TMEM64: variants seen among roughly 807,000 people sequenced by gnomAD.
TMEM64 encodes transmembrane protein 64.
Under a neutral mutation model 24.5 loss-of-function variants are expected in TMEM64, and 19 were observed. That is an observed-to-expected ratio of 0.78 (90% CI 0.54 to 1.14). The LOEUF is 1.14. TMEM64 is among the 50% of genes most tolerant of loss of function. TMEM64 has a pLI of 0.00. For synonymous variants in TMEM64, 262 were observed against 224.7 expected (o/e 1.17, Z -1.49); for missense variants, 487 against 493.0 (o/e 0.99, Z 0.12).
In TMEM64 at chr8:90,645,018, TG is replaced by T; in HGVS notation, c.795+92del. Reference sequence around the variant, plus strand: ...CCTGCCGTCAATGTCACTTCTCTGCTGGTATTTATCTGATAGAGCGCCCTCC... The same window carrying T: ...CCTGCCGTCAATGTCACTTCTCTGCTGTATTTATCTGATAGAGCGCCCTCC... On this transcript the variant is annotated intron_variant, in intron 1 of 2. Transcript: ENST00000458549. The surrounding 1 kb of genome is among the most constrained non-coding windows in gnomAD (Gnocchi z 4.2). The T allele has an allele frequency of 1.5e-6, 2 of 1,331,712 alleles. No homozygotes were observed. The highest frequency in any genetic ancestry group is 1.0e-6 in the Non-Finnish European group (1 of 964,688). The allele number at this position is 1,331,712 out of a possible 1,614,324, so 82.5% of individuals were successfully genotyped here.
intron 1 of TMEM64, among the ~76,000 whole-genome samples, chr8:90,636,446 G>C (rs1037688064): frequency 6.6e-6 from 1 of 152,136 alleles, no homozygotes; most frequent in African/African-American, 2.4e-5. Context: ...AGTAGAGGCC[G>C]GGTTTCACCA....
intron 2 of TMEM64, among the ~76,000 whole-genome samples, chr8:90,626,818 C>T (rs1160707083): frequency 5.3e-5 from 8 of 151,648 alleles, no homozygotes; most frequent in African/African-American, 7.3e-5. Context: ...TTAGTAGAGA[C>T]GGGATTTTAC....
chr8:90,643,423 T>C (rs1364493570), intron 1 of TMEM64, among the ~76,000 whole-genome samples: 1 of 152,214 alleles, frequency 6.6e-6, no homozygotes, highest in Admixed American at 6.5e-5. Flanking sequence ...ATAAACAACT[T>C]GCCCAAGGTC....
intron 1 of TMEM64, among the ~76,000 whole-genome samples, chr8:90,637,305 C>G (rs1156978314): frequency 6.6e-6 from 1 of 152,186 alleles, no homozygotes; most frequent in Non-Finnish European, 1.5e-5. Flanking sequence ...CCCAGCTCTT[C>G]TGCTTTCTAA....
intron 1 of TMEM64, among the ~76,000 whole-genome samples, chr8:90,643,279 C>A (rs1010796395): frequency 6.6e-6 from 1 of 152,180 alleles, no homozygotes; most frequent in African/African-American, 2.4e-5. Context: ...ACAGAAACGA[C>A]AAAAGCCAAC....
rs902844872 is a variant in TMEM64 at position 90,625,582 on chromosome 8, A to C, written c.*89T>G. 28 of 1,099,322 alleles carry C rather than the reference A, an allele frequency of 2.5e-5. No homozygotes were observed. The highest frequency in any genetic ancestry group is 4.2e-4 in the Middle Eastern group (2 of 4,724). The allele number at this position is 1,099,322 out of a possible 1,614,324, so 68.1% of individuals were successfully genotyped here. A position where few individuals can be genotyped will look rare whatever the true frequency, so the allele number is the denominator to read the frequency against. ...GTCAGTTTTGTTTGTGCTGTAATACAATTAGAACTTGTCTCTGCCCACTAG... is the reference window on the plus strand; with the variant it reads ...GTCAGTTTTGTTTGTGCTGTAATACCATTAGAACTTGTCTCTGCCCACTAG... On this transcript the variant is annotated 3_prime_UTR_variant, in exon 3 of 3. Transcript: ENST00000458549.
chr8:90,643,856 T>A (rs1215653828), intron 1 of TMEM64, among the ~76,000 whole-genome samples: 1 of 152,224 alleles, frequency 6.6e-6, no homozygotes, highest in East Asian at 1.9e-4. Flanking sequence ...CCACTGCCTC[T>A]ACCAAATACC....
chr8:90,630,297 T>C (rs1809418089), intron 2 of TMEM64, among the ~76,000 whole-genome samples: 1 of 152,218 alleles, frequency 6.6e-6, no homozygotes, highest in Admixed American at 6.5e-5. Context: ...GTTATTGTAA[T>C]ACTTTTTTGT....
intron 1 of TMEM64, among the ~76,000 whole-genome samples, chr8:90,636,851 T>C (rs1809525982): frequency 6.6e-6 from 1 of 152,214 alleles, no homozygotes; most frequent in Admixed American, 6.5e-5. Context: ...CAACCTAGGA[T>C]ATCGATGCTA....
rs1019782390 is a variant in TMEM64, at chr8:90,645,447, G to A, written c.459C>T (p.Ser153=). The change falls in exon 1 of 3, where the codon AGC becomes AGT. Residue 153 remains serine (S), a synonymous_variant. Transcript: ENST00000458549. The surrounding 1 kb of genome is among the most constrained non-coding windows in gnomAD (Gnocchi z 4.2). ...YLHHLLLWVE[S]LDSLLGVLLF... ...GCAGGACCCCCAGCAGCGAGTCAAG[G>A]CTCTCCACCCACAGCAGGAGGTGGT... 1.3e-6 allele frequency: 2 copies of A among 1,551,428 alleles called. No individual in the cohort carries two copies. The highest frequency in any genetic ancestry group is 2.7e-5 in the African/African-American group (2 of 73,058).
rs1809316020 is a variant in TMEM64, at chr8:90,623,847, T to A, written c.*1824A>T. On this transcript the variant is annotated 3_prime_UTR_variant, in exon 3 of 3. Transcript: ENST00000458549. ...GAAGCACAAGAAAAAGGTTGTCAGG[T>A]TAGACAGAAAAAAATAAATCAAATG... The A allele has an allele frequency of 6.6e-6, 1 of 151,696 alleles. No individual in the cohort carries two copies. Among genetic ancestry groups the A allele is most frequent in the African/African-American group, 2.4e-5 (1 of 41,276 alleles). 9.4% of individuals were successfully genotyped at this position (151,696 alleles called of 1,614,324 possible). A position where few individuals can be genotyped will look rare whatever the true frequency, so the allele number is the denominator to read the frequency against.
At chr8:90,641,993 A>G (rs1809611164) in intron 1 of TMEM64, among the ~76,000 whole-genome samples, 1 of 152,196 alleles carries the variant, frequency 6.6e-6, no homozygotes, top group African/African-American at 2.4e-5. Context: ...GTTGGAACCA[A>G]TCTCATTTCA....
At chr8:90,628,321 G>A (rs1212441418) in intron 2 of TMEM64, among the ~76,000 whole-genome samples, 1 of 152,178 alleles carries the variant, frequency 6.6e-6, no homozygotes, top group Non-Finnish European at 1.5e-5. Flanking sequence ...AAATTCAGGG[G>A]TTTCTCAGTT....
chr8:90,630,673 TAAC>T (rs1809423171), intron 2 of TMEM64, among the ~76,000 whole-genome samples: 2 of 151,972 alleles, frequency 1.3e-5, no homozygotes, highest in Admixed American at 1.3e-4. Context: ...GTATAATACA[TAAC>T]CAGCTCAAGA....
chr8:90,625,140 G>T lies in TMEM64; in HGVS notation c.*531C>A, dbSNP rs1809337173. ...AAAATACATTCAACTGAAAATTAAT[G>T]TCTGTTCTTTAACTAGTAAGGAAAC... On this transcript the variant is annotated 3_prime_UTR_variant, in exon 3 of 3. Transcript: ENST00000458549. 1 of 152,512 alleles carries T rather than the reference G, an allele frequency of 6.6e-6. No individual in the cohort carries two copies. The highest frequency in any genetic ancestry group is 1.5e-5 in the Non-Finnish European group (1 of 68,040). 9.4% of individuals were successfully genotyped at this position (152,512 alleles called of 1,614,324 possible). A position where few individuals can be genotyped will look rare whatever the true frequency, so the allele number is the denominator to read the frequency against.
intron 1 of TMEM64, among the ~76,000 whole-genome samples, chr8:90,642,723 A>G (rs751492570): frequency 6.6e-6 from 1 of 151,770 alleles, no homozygotes; most frequent in Non-Finnish European, 1.5e-5. Flanking sequence ...ATAACAGACC[A>G]TATCCAGGGG....
chr8:90,631,288 C>T (rs1475712144), intron 2 of TMEM64, among the ~76,000 whole-genome samples: 1 of 152,144 alleles, frequency 6.6e-6, no homozygotes, highest in Non-Finnish European at 1.5e-5. Context: ...AAAATAATCA[C>T]TGCAAAAATA....
intron 1 of TMEM64, among the ~76,000 whole-genome samples, chr8:90,641,261 A>T (rs1340744298): frequency 6.6e-6 from 1 of 152,194 alleles, no homozygotes; most frequent in Non-Finnish European, 1.5e-5. Context: ...AAGGAGACAC[A>T]CATAGCACAC....
intron 1 of TMEM64, among the ~76,000 whole-genome samples, chr8:90,640,977 AT>A (rs1809596068): frequency 1.3e-5 from 2 of 152,202 alleles, no homozygotes; most frequent in Non-Finnish European, 2.9e-5. Flanking sequence ...GCACTTTAAA[AT>A]TTACTCATTT....
Sources: gnomAD v4.1 joint callset for allele counts (sites outside exome capture counted in the v4.1 genomes callset) on GRCh38, gnomAD v4.1.1 for gene constraint, Gnocchi (gnomAD v3.1) non-coding constraint, MANE v1.5 for transcripts, NCBI Gene and HGNC (gene_info 2026-07-23, HGNC 2026-07-21) for gene names.